Variants in RAB37 observed in about 807,000 individuals in gnomAD.
RAB37 encodes RAB37, member RAS oncogene family, also known as ras-related protein Rab-37.
Under a neutral mutation model 33.1 loss-of-function variants are expected in RAB37, and 29 were observed. That is an observed-to-expected ratio of 0.88 (90% confidence interval 0.65 to 1.20). RAB37 has a LOEUF of 1.20. Ranked by LOEUF, RAB37 falls within the 50% of genes most tolerant of loss-of-function variation. RAB37 has a pLI of 0.00. For synonymous variants in RAB37, 128 were observed against 119.5 expected, an observed-to-expected ratio of 1.07 and a Z score of -0.47; for missense variants, 299 against 301.1, an observed-to-expected ratio of 0.99 and a Z score of 0.05.
In RAB37 at chr17:74,691,021, T is replaced by A. The variant is rs568256612; in HGVS notation, c.72+19363T>A. Among the ~76,000 whole-genome samples the A allele has an allele frequency of 1.3e-3, 204 of 152,270 alleles. 3 individuals carry two copies. Among genetic ancestry groups the A allele is most frequent in the Middle Eastern group, 0.01 (3 of 294 alleles). On this transcript the variant is annotated intron_variant, in intron 1 of 7. Transcript: ENST00000340415. Reference sequence around the variant, plus strand: ...GCTGCCTAGAACTCCAGGGCTCAACTGATCCTCCTGCCTCAGCCTCCCAAG... The same window carrying A: ...GCTGCCTAGAACTCCAGGGCTCAACAGATCCTCCTGCCTCAGCCTCCCAAG...
At chr17:74,719,341 TTGGGAGGCTGAAG>T (rs2034208440) in intron 1 of RAB37, among the ~76,000 whole-genome samples, 1 of 152,008 alleles carries the variant, frequency 6.6e-6, no homozygotes, top group South Asian at 2.1e-4. Flanking sequence ...TCCCAGTTAC[TTGGGAGGCTGAAG>T]TGGGAGGATC....
At chr17:74,709,585 A>T (rs1169255193) in intron 1 of RAB37, among the ~76,000 whole-genome samples, 1 of 151,790 alleles carries the variant, frequency 6.6e-6, no homozygotes, top group Non-Finnish European at 1.5e-5. Context: ...TTTGAGATGG[A>T]GTCTTGCTTG....
At chr17:74,724,582 G>A (rs1182643287) in intron 1 of RAB37, among the ~76,000 whole-genome samples, 2 of 152,258 alleles carry the variant, frequency 1.3e-5, no homozygotes. Flanking sequence ...GTGCAGGCAG[G>A]CTGAATCCGA....
At position 74,745,629 on chromosome 17, in the gene RAB37, T is replaced by C. The variant is rs969504353; in HGVS notation, c.*218T>C. 10 of 510,266 alleles carry C rather than the reference T, an allele frequency of 2.0e-5. No individual in the cohort carries two copies. The highest frequency in any genetic ancestry group is 5.9e-5 in the African/African-American group (3 of 51,224). 31.6% of individuals were successfully genotyped at this position (510,266 alleles called of 1,614,324 possible). ...GTAAAACACTTAGCTTTTATTTTAA[T>C]AGTACATAATTTAATACCAAAAAAG... On this transcript the variant is annotated 3_prime_UTR_variant, in exon 9 of 9. Transcript: ENST00000392613. This position sits in a 1 kb window ranked among gnomAD's most constrained non-coding sequence, Gnocchi z 4.5.
intron 1 of RAB37, among the ~76,000 whole-genome samples, chr17:74,690,890 T>C (rs1458511221): frequency 6.6e-6 from 1 of 152,154 alleles, no homozygotes; most frequent in African/African-American, 2.4e-5. Context: ...ATAAAAACAG[T>C]ATATCCAGTA....
At chr17:74,706,273 G>GAA (rs144675318) in intron 1 of RAB37, among the ~76,000 whole-genome samples, 33 of 137,552 alleles carry the variant, frequency 2.4e-4, no homozygotes, top group African/African-American at 7.6e-4. Flanking sequence ...CATTTTAAAG[G>GAA]AAAAAAAAAA....
At chr17:74,684,718 A>G (rs1260846900) in intron 1 of RAB37, among the ~76,000 whole-genome samples, 1 of 152,144 alleles carries the variant, frequency 6.6e-6, no homozygotes, top group Non-Finnish European at 1.5e-5. Context: ...TGAACCTGGG[A>G]GGCAGAGGTT....
At chr17:74,737,128 G>A (rs760789837), upstream of RAB37, 1 of 1,595,836 alleles carries the variant, frequency 6.3e-7, no homozygotes, top group Non-Finnish European at 8.5e-7. Flanking sequence ...GTCCGAGCCG[G>A]TGTCGTCGAG....
At chr17:74,737,646 C>T (rs1463086797) in intron 1 of RAB37, among the ~76,000 whole-genome samples, 2 of 152,154 alleles carry the variant, frequency 1.3e-5, no homozygotes, top group Non-Finnish European at 2.9e-5. Context: ...CCCCCGGGAG[C>T]CCATGCTTCT....
intron 1 of RAB37, among the ~76,000 whole-genome samples, chr17:74,696,654 GC>G (rs574707760): frequency 2.8e-4 from 43 of 152,262 alleles, no homozygotes; most frequent in Non-Finnish European, 5.0e-4. Context: ...CCCCTCCCGG[GC>G]CCCCGGGGGG....
At chr17:74,735,434 G>T (rs1000410826), upstream of RAB37, among the ~76,000 whole-genome samples, 7 of 152,220 alleles carry the variant, frequency 4.6e-5, no homozygotes, top group Non-Finnish European at 8.8e-5. Context: ...TGCTCCAGAG[G>T]CTGAGGCAGG....
intron 1 of RAB37, chr17:74,694,338 T>C (rs2032238657): frequency 6.6e-6 from 1 of 152,180 alleles, no homozygotes; most frequent in East Asian, 1.9e-4. Flanking sequence ...AACACAAATT[T>C]ATTCTCCTGC....
Position 74,742,387 on chromosome 17 carries a change from C to T in RAB37, c.246+92C>T, listed in dbSNP as rs978307236. On this transcript the variant is annotated intron_variant, in intron 3 of 8. Transcript: ENST00000392613. This position sits in a 1 kb window ranked among gnomAD's most constrained non-coding sequence, Gnocchi z 4.0. Reference sequence around the variant, plus strand: ...ACAGGAGGCCTGCAGCCCTGCCCTCCGCCTGGGGCAATTTCCTGTGGGGCC... The same window carrying T: ...ACAGGAGGCCTGCAGCCCTGCCCTCTGCCTGGGGCAATTTCCTGTGGGGCC... The T allele has an allele frequency of 8.0e-6, 8 of 999,002 alleles. No individual in the cohort carries two copies. Among genetic ancestry groups the T allele is most frequent in the Non-Finnish European group, 1.2e-5 (8 of 666,880 alleles). The allele number at this position is 999,002 out of a possible 1,614,324, so 61.9% of individuals were successfully genotyped here.
intron 1 of RAB37, chr17:74,695,316 G>A: frequency 6.3e-7 from 1 of 1,584,340 alleles, no homozygotes; most frequent in East Asian, 2.2e-5. Context: ...GGGCAGAGGA[G>A]CCCTCGGAGG....
chr17:74,720,563 C>A (rs1567807200), intron 1 of RAB37, among the ~76,000 whole-genome samples: 1 of 152,108 alleles, frequency 6.6e-6, no homozygotes. Context: ...TACACTCCAG[C>A]CTGTGTGACA....
chr17:74,725,152 A>G (rs1056051884), intron 1 of RAB37, among the ~76,000 whole-genome samples: 1 of 152,200 alleles, frequency 6.6e-6, no homozygotes, highest in African/African-American at 2.4e-5. Context: ...GAAGTTCCAC[A>G]CTAAAATGTG....
chr17:74,735,373 T>A (rs889922378), upstream of RAB37, among the ~76,000 whole-genome samples: 2 of 152,132 alleles, frequency 1.3e-5, no homozygotes, highest in African/African-American at 4.8e-5. Flanking sequence ...AGTTCTCTAC[T>A]AAGAATACAA....
Position 74,730,472 on chromosome 17 carries a change from C to T in RAB37, c.183+1106C>T, listed in dbSNP as rs2034370921. ...GCAAAGCGGAAGTGAGTGCCTGGTTCGGGTGTGTTCTGGGGCCTAGAATCG... is the reference window on the plus strand; with the variant it reads ...GCAAAGCGGAAGTGAGTGCCTGGTTTGGGTGTGTTCTGGGGCCTAGAATCG... On this transcript the variant is annotated intron_variant, in intron 2 of 7. Transcript: ENST00000340415. This position sits in a 1 kb window ranked among gnomAD's most constrained non-coding sequence, Gnocchi z 4.4. Among the ~76,000 whole-genome samples the T allele has an allele frequency of 6.6e-6, 1 of 152,138 alleles. No homozygotes were observed. Among genetic ancestry groups the T allele is most frequent in the Non-Finnish European group, 1.5e-5 (1 of 68,024 alleles).
At chr17:74,713,048 T>C in intron 1 of RAB37, 2 of 611,276 alleles carry the variant, frequency 3.3e-6, no homozygotes, top group South Asian at 2.0e-5. Flanking sequence ...GGCTCAGGCC[T>C]GTAATCCTGG....
Sources: allele counts gnomAD v4.1 joint callset (sites outside exome capture counted in the v4.1 genomes callset), GRCh38; gene constraint gnomAD v4.1.1; non-coding constraint Gnocchi (gnomAD v3.1); transcripts MANE v1.5; gene names NCBI Gene and HGNC (gene_info 2026-07-23, HGNC 2026-07-21).